Variants in DSE observed in about 807,000 individuals in gnomAD.
DSE encodes dermatan sulfate epimerase, also known as dermatan-sulfate epimerase.
DSE carries 36 observed loss-of-function variants against 84.4 expected under a neutral mutation model. The ratio of observed to expected loss-of-function variants is 0.43; its 90% CI spans 0.33 to 0.56. The LOEUF is 0.56. DSE is among the 20% of genes least tolerant of loss of function. DSE has a pLI of 0.06. For missense variants in DSE, 862 were observed against 1,169.6 expected, an observed-to-expected ratio of 0.74 and a Z score of 3.84; for synonymous variants, 410 against 430.1, an observed-to-expected ratio of 0.95 and a Z score of 0.58.
rs1248240832 is a variant in DSE at position 116,399,744 on chromosome 6, C to T, written c.416+78C>T. Reference sequence around the variant, plus strand: ...CAAATCCATATGACATCTCAGTGGCCAGATCTTCATGTACCTCTTTGTGTA... The same window carrying T: ...CAAATCCATATGACATCTCAGTGGCTAGATCTTCATGTACCTCTTTGTGTA... On this transcript the variant is annotated intron_variant, in intron 2 of 5. Transcript: ENST00000644252. The T allele has an allele frequency of 4.2e-5, 58 of 1,380,316 alleles. No individual in the cohort carries two copies. The Admixed American group carries it at 1.1e-3, about 27-fold the overall frequency. The allele number at this position is 1,380,316 out of a possible 1,614,324, so 85.5% of individuals were successfully genotyped here. A position where few individuals can be genotyped will look rare whatever the true frequency, so the allele number is the denominator to read the frequency against.
intron 2 of DSE, among the ~76,000 whole-genome samples, chr6:116,341,534 G>A (rs1777593803): frequency 6.6e-6 from 1 of 151,980 alleles, no homozygotes; most frequent in African/African-American, 2.4e-5. Context: ...ATTGCCATTT[G>A]CATTTTGGTG....
intron 2 of DSE, among the ~76,000 whole-genome samples, chr6:116,280,496 G>A (rs1218992459): frequency 6.6e-6 from 1 of 152,196 alleles, no homozygotes; most frequent in African/African-American, 2.4e-5. Context: ...GTGCTGCATA[G>A]TATCGGTAGA....
In DSE at chr6:116,431,650, A is replaced by G. The variant is rs527594151; in HGVS notation, c.910+457A>G. Reference sequence around the variant, plus strand: ...ATTCAAAATGAAAGATTACACCTACACATTTAAGTTGGAGCTTTAGTATTG... The same window carrying G: ...ATTCAAAATGAAAGATTACACCTACGCATTTAAGTTGGAGCTTTAGTATTG... On this transcript the variant is annotated intron_variant, in intron 4 of 5. Transcript: ENST00000644252. Among the ~76,000 whole-genome samples the G allele has an allele frequency of 1.8e-4, 27 of 152,270 alleles. 1 individual carries two copies. In the South Asian group the frequency reaches 5.6e-3, roughly 32 times the overall value.
intron 2 of DSE, among the ~76,000 whole-genome samples, chr6:116,297,767 T>C (rs986371925): frequency 4.6e-5 from 7 of 152,226 alleles, no homozygotes; most frequent in Admixed American, 3.9e-4. Context: ...AGGTGGCATT[T>C]CTCTAGCATC....
intron 2 of DSE, among the ~76,000 whole-genome samples, chr6:116,420,794 A>C (rs1266920612): frequency 6.6e-6 from 1 of 152,222 alleles, no homozygotes; most frequent in Admixed American, 6.5e-5. Flanking sequence ...GAAGCATTTA[A>C]TCACTTGCAG....
chr6:116,293,476 T>G (rs9488887), intron 2 of DSE, among the ~76,000 whole-genome samples: 2 of 151,932 alleles, frequency 1.3e-5, no homozygotes, highest in South Asian at 4.2e-4. Context: ...TTCACCATGA[T>G]GGTTTGTTTT....
At chr6:116,408,922 C>T (rs147357216) in intron 2 of DSE, among the ~76,000 whole-genome samples, 10 of 152,208 alleles carry the variant, frequency 6.6e-5, no homozygotes, top group Admixed American at 2.0e-4. Flanking sequence ...AAATGAATGG[C>T]GGTGCTGTTA....
chr6:116,376,674 A>G (rs1180896492), intron 1 of DSE, among the ~76,000 whole-genome samples: 1 of 152,236 alleles, frequency 6.6e-6, no homozygotes, highest in African/African-American at 2.4e-5. Context: ...ATGTTAGTAA[A>G]TAAGTCCTGA....
At chr6:116,367,080 GAGA>G (rs1379541232), upstream of DSE, 1 of 152,242 alleles carries the variant, frequency 6.6e-6, no homozygotes, top group Non-Finnish European at 1.5e-5. Context: ...CTTGGTAATG[GAGA>G]AGATCATGTC....
intron 2 of DSE, among the ~76,000 whole-genome samples, chr6:116,341,800 T>C (rs2114821446): frequency 6.6e-6 from 1 of 152,320 alleles, no homozygotes; most frequent in Admixed American, 6.5e-5. Flanking sequence ...ATCAGATGGT[T>C]GTAGATGTGT....
At chr6:116,299,306 G>A (rs1291602577) in intron 2 of DSE, among the ~76,000 whole-genome samples, 6 of 151,242 alleles carry the variant, frequency 4.0e-5, no homozygotes, top group Non-Finnish European at 8.9e-5. Context: ...AAAATTTTGG[G>A]AAAAAAGAGA....
At chr6:116,363,397 A>G (rs1319759198) in intron 2 of DSE, among the ~76,000 whole-genome samples, 1 of 152,098 alleles carries the variant, frequency 6.6e-6, no homozygotes, top group Non-Finnish European at 1.5e-5. Flanking sequence ...GTGTGTATAT[A>G]TATATGATAG....
intron 2 of DSE, among the ~76,000 whole-genome samples, chr6:116,268,997 T>A (rs888135713): frequency 2.0e-5 from 3 of 149,702 alleles, no homozygotes; most frequent in Non-Finnish European, 3.0e-5. Context: ...CTAGTTATGA[T>A]CACTGCCTGT....
chr6:116,382,863 A>G (rs1370515292), intron 1 of DSE, among the ~76,000 whole-genome samples: 1 of 152,196 alleles, frequency 6.6e-6, no homozygotes, highest in African/African-American at 2.4e-5. Context: ...GTCACTGAGA[A>G]AGTTAGAAAT....
intron 2 of DSE, among the ~76,000 whole-genome samples, chr6:116,416,999 C>T (rs528008231): frequency 1.5e-3 from 227 of 152,192 alleles, no homozygotes; most frequent in Admixed American, 3.3e-3. Context: ...CTCCTATTGC[C>T]TTTCCAGGTT....
intron 2 of DSE, among the ~76,000 whole-genome samples, chr6:116,298,476 G>A (rs1337880961): frequency 1.3e-5 from 2 of 152,162 alleles, no homozygotes; most frequent in Non-Finnish European, 2.9e-5. Flanking sequence ...GAAGACAGAG[G>A]ACGGGGCCAC....
At position 116,436,794 on chromosome 6, in the gene DSE, C is replaced by T. The variant is rs752624508; in HGVS notation, c.2326C>T (p.Arg776Cys). ...NTASFRKTAE[R>C]LLRFSDKRQT... ...AGCTAGCTTTAGGAAGACTGCTGAA[C>T]GCCTGCTGAGATTTTCAGATAAGAG... Residue 776 changes from arginine (R) to cysteine (C), a missense_variant, in exon 6 of 6, where the codon CGC (arginine) becomes TGC (cysteine). This residue lies in a region of DSE where 315 missense variants were observed against 348.1 expected (regional missense o/e 0.90). Coordinates refer to ENST00000644252, the MANE Select transcript of DSE (RefSeq NM_013352.4). The T allele has an allele frequency of 9.3e-6, 15 of 1,614,004 alleles. No individual in the cohort carries two copies. The highest frequency in any genetic ancestry group is 1.6e-4 in the Middle Eastern group (1 of 6,084).
intron 2 of DSE, among the ~76,000 whole-genome samples, chr6:116,311,985 A>G (rs1775721279): frequency 6.6e-6 from 1 of 152,196 alleles, no homozygotes; most frequent in Admixed American, 6.5e-5. Context: ...AAATAAAGAG[A>G]GAGATATATC....
chr6:116,415,178 G>A (rs1200396517), intron 2 of DSE, among the ~76,000 whole-genome samples: 1 of 152,124 alleles, frequency 6.6e-6, no homozygotes, highest in African/African-American at 2.4e-5. Context: ...GTCTGTATAT[G>A]TTTTTTCTTC....
Sources: allele counts gnomAD v4.1 joint callset (sites outside exome capture counted in the v4.1 genomes callset), GRCh38; gene constraint gnomAD v4.1.1; regional missense constraint gnomAD v4.1.1; transcripts MANE v1.5; gene names NCBI Gene and HGNC (gene_info 2026-07-23, HGNC 2026-07-21).